SGPP2: variants seen among roughly 807,000 people sequenced by gnomAD.
The protein encoded by SGPP2 is sphingosine-1-phosphate phosphatase 2.
In SGPP2, 30 loss-of-function variants were observed where a neutral mutation model predicts 33.9. The observed-to-expected ratio is 0.89, with a 90% confidence interval of 0.66 to 1.20. The LOEUF is 1.20. Ranked by LOEUF, SGPP2 falls within the 50% of genes most tolerant of loss-of-function variation. The pLI is 0.00. For missense variants in SGPP2, 458 were observed against 532.1 expected, an observed-to-expected ratio of 0.86 and a Z score of 1.37; for synonymous variants, 233 against 225.0, an observed-to-expected ratio of 1.04 and a Z score of -0.32.
chr2:222,452,879 C>T, intron 1 of SGPP2: 1 of 1,607,244 alleles, frequency 6.2e-7, no homozygotes, highest in Non-Finnish European at 8.5e-7. Flanking sequence ...GGTTCTGGAA[C>T]CAGGTCTTCA....
intron 4 of SGPP2, among the ~76,000 whole-genome samples, chr2:222,553,134 T>G (rs949673823): frequency 3.3e-5 from 5 of 152,168 alleles, no homozygotes; most frequent in Non-Finnish European, 7.4e-5. Flanking sequence ...GAAAGGGCTT[T>G]TGGAGTCACA....
intron 4 of SGPP2, among the ~76,000 whole-genome samples, chr2:222,539,063 A>T (rs56136232): frequency 0.32 from 48,668 of 152,078 alleles, 8,552 homozygotes; most frequent in Middle Eastern, 0.48. Flanking sequence ...AACTTATTCC[A>T]GCATTAACTC....
At chr2:222,557,073 G>A (rs550863586) in intron 4 of SGPP2, among the ~76,000 whole-genome samples, 1 of 152,174 alleles carries the variant, frequency 6.6e-6, no homozygotes, top group Admixed American at 6.5e-5. Flanking sequence ...CTCCCAGGAC[G>A]TAGTACTCAT....
chr2:222,522,042 TA>T, intron 3 of SGPP2, 96 bp downstream of exon 3: 1 of 1,148,958 alleles, frequency 8.7e-7, no homozygotes. Flanking sequence ...TGAGGGACCT[TA>T]AGGTTTATGA....
chr2:222,498,598 A>T (rs529289064), intron 2 of SGPP2, among the ~76,000 whole-genome samples: 11 of 152,250 alleles, frequency 7.2e-5, no homozygotes, highest in African/African-American at 2.4e-4. Context: ...CAAAAAAAAA[A>T]TTTTTGAGCA....
rs530854783 is a variant in SGPP2, at chr2:222,522,535, T to C, written c.558+589T>C. On this transcript the variant is annotated intron_variant, in intron 3 of 4. Transcript: ENST00000321276. ...TAGAAGAATTTTACTTAATATCTGC[T>C]TAAATGCCAATTATAGTAAGACTTA... Among the ~76,000 whole-genome samples the C allele has an allele frequency of 2.1e-3, 324 of 152,364 alleles. 2 individuals carry two copies. Among genetic ancestry groups the C allele is most frequent in the African/African-American group, 7.4e-3 (308 of 41,592 alleles).
At chr2:222,435,047 TATAC>T (rs374922849) in intron 1 of SGPP2, among the ~76,000 whole-genome samples, 50 of 141,228 alleles carry the variant, frequency 3.5e-4, no homozygotes, top group South Asian at 9.2e-4. Flanking sequence ...TGTGTATATA[TATAC>T]ACACATATAC....
At chr2:222,517,254 C>A (rs1357519743) in intron 2 of SGPP2, among the ~76,000 whole-genome samples, 2 of 152,196 alleles carry the variant, frequency 1.3e-5, no homozygotes, top group African/African-American at 4.8e-5. Flanking sequence ...TGTTTTCTCA[C>A]CCCCCTATCC....
intron 4 of SGPP2, among the ~76,000 whole-genome samples, chr2:222,542,392 T>A (rs919796502): frequency 8.5e-5 from 13 of 152,210 alleles, no homozygotes; most frequent in African/African-American, 2.9e-4. Flanking sequence ...TATGTGCCTT[T>A]TAGAGCAAAT....
At chr2:222,499,514 T>C (rs2106116815) in intron 2 of SGPP2, among the ~76,000 whole-genome samples, 1 of 152,210 alleles carries the variant, frequency 6.6e-6, no homozygotes, top group East Asian at 1.9e-4. Context: ...CCCCAGGGCA[T>C]GAGAGCATGT....
intron 1 of SGPP2, among the ~76,000 whole-genome samples, chr2:222,439,119 G>A (rs985641095): frequency 2.4e-4 from 36 of 152,262 alleles, no homozygotes; most frequent in Middle Eastern, 3.4e-3. Flanking sequence ...TGGAATCAAC[G>A]TCAGCTCAGA....
At chr2:222,439,670 C>T (rs4673020) in intron 1 of SGPP2, among the ~76,000 whole-genome samples, 116,787 of 152,232 alleles carry the variant, frequency 0.77, 44,948 homozygotes, top group Middle Eastern at 0.88. Context: ...ATGTATGTCA[C>T]GGGCAATAAC....
intron 1 of SGPP2, among the ~76,000 whole-genome samples, chr2:222,442,297 C>T (rs1272227769): frequency 6.6e-6 from 1 of 152,172 alleles, no homozygotes; most frequent in Non-Finnish European, 1.5e-5. Flanking sequence ...TACTCACTTG[C>T]AGGCAACGTC....
intron 1 of SGPP2, chr2:222,452,344 G>T: frequency 1.5e-6 from 1 of 688,444 alleles, no homozygotes; most frequent in Admixed American, 1.8e-5. Context: ...GGAGGGGAGA[G>T]GAAGGATTCA....
chr2:222,550,670 C>T lies in SGPP2; in HGVS notation c.649-7677C>T, dbSNP rs1010307322. On this transcript the variant is annotated intron_variant, in intron 4 of 4. Transcript: ENST00000321276. The surrounding 1 kb of genome is among the most constrained non-coding windows in gnomAD (Gnocchi z 4.5). ...CCTGCTATATTATTAAATAAGGCAGCGTGGTTTTTATCTCATTTTTGGTGT... is the reference window on the plus strand; with the variant it reads ...CCTGCTATATTATTAAATAAGGCAGTGTGGTTTTTATCTCATTTTTGGTGT... Among the ~76,000 whole-genome samples, 3 of 152,082 alleles carry T rather than the reference C, an allele frequency of 2.0e-5. No individual in the cohort carries two copies. The highest frequency in any genetic ancestry group is 6.6e-5 in the Admixed American group (1 of 15,258).
At chr2:222,556,664 C>T (rs1689410930) in intron 4 of SGPP2, among the ~76,000 whole-genome samples, 1 of 69,846 alleles carries the variant, frequency 1.4e-5, no homozygotes, top group Non-Finnish European at 2.8e-5. Flanking sequence ...TCACTCCTCC[C>T]CCTCCACCTT....
rs371263575 is a variant in SGPP2 at position 222,520,864 on chromosome 2, A to G, written c.379-903A>G. Among the ~76,000 whole-genome samples, 12 of 151,882 alleles carry G rather than the reference A, an allele frequency of 7.9e-5. No individual in the cohort carries two copies. In the East Asian group the frequency reaches 1.7e-3, roughly 22 times the overall value. On this transcript the variant is annotated intron_variant, in intron 2 of 4. Transcript: ENST00000321276. ...AGCCTTGACTTCCTGGGCTCAAGCA[A>G]TCCTCCCACCTCAGCCTCTCAAGTA...
chr2:222,524,975 T>C lies in SGPP2; in HGVS notation c.590T>C (p.Val197Ala). 6.2e-7 allele frequency: 1 copy of C among 1,614,150 alleles called. No individual in the cohort carries two copies. Among genetic ancestry groups the C allele is most frequent in the Non-Finnish European group, 8.5e-7 (1 of 1,179,972 alleles). ...YPFVLGLVMAVVFSTLVCLSR... is the reference protein window; with the variant it reads ...YPFVLGLVMAAVFSTLVCLSR... ...TTTGTGTTGGGACTGGTGATGGCCGTGGTGTTTTCCACCTTGGTGTGTCTC... is the reference window on the plus strand; with the variant it reads ...TTTGTGTTGGGACTGGTGATGGCCGCGGTGTTTTCCACCTTGGTGTGTCTC... The change falls in exon 4 of 5, where the codon GTG (valine) becomes GCG (alanine). Residue 197 changes from valine (V) to alanine (A), a missense_variant. Transcript: ENST00000321276.
At chr2:222,508,817 G>A (rs1308455910) in intron 2 of SGPP2, among the ~76,000 whole-genome samples, 1 of 152,094 alleles carries the variant, frequency 6.6e-6, no homozygotes, top group Non-Finnish European at 1.5e-5. Flanking sequence ...TATCTTCTAT[G>A]ATTTATGGTG....
Sources: allele counts gnomAD v4.1 joint callset (sites outside exome capture counted in the v4.1 genomes callset), GRCh38; gene constraint gnomAD v4.1.1; non-coding constraint Gnocchi (gnomAD v3.1); transcripts MANE v1.5; gene names NCBI Gene and HGNC (gene_info 2026-07-23, HGNC 2026-07-21).